SERPINE2: variants seen among roughly 807,000 people sequenced by gnomAD.
SERPINE2 encodes the protein glia-derived nexin.
A neutral mutation model predicts 36.3 loss-of-function variants in SERPINE2; 14 were observed. The ratio of observed to expected loss-of-function variants is 0.39; its 90% confidence interval spans 0.25 to 0.60. The LOEUF (loss-of-function observed/expected upper bound fraction) is 0.60, where lower values mean the gene tolerates loss of function less well. Ranked by LOEUF, SERPINE2 falls within the 20% of genes least tolerant of loss-of-function variation. The probability of loss-of-function intolerance (pLI) is 0.57; values close to 1 mark genes in which losing one functional copy is unlikely to be tolerated. For synonymous variants in SERPINE2, 192 were observed against 191.8 expected (o/e 1.00, Z -0.01); for missense variants, 418 against 499.6 (o/e 0.84, Z 1.56).
At chr2:223,991,049 C>T (rs1359278137) in intron 4 of SERPINE2, among the ~76,000 whole-genome samples, 2 of 152,184 alleles carry the variant, frequency 1.3e-5, no homozygotes, top group African/African-American at 4.8e-5. Flanking sequence ...TGAAGATCCT[C>T]TGAGACCTAT....
At chr2:223,995,016 G>A (rs953576301) in intron 3 of SERPINE2, among the ~76,000 whole-genome samples, 9 of 152,204 alleles carry the variant, frequency 5.9e-5, no homozygotes, top group African/African-American at 2.2e-4. Context: ...TCATGGTATG[G>A]TACAGAAATG....
At chr2:223,989,007 C>T (rs562420005) in intron 4 of SERPINE2, among the ~76,000 whole-genome samples, 63 of 152,250 alleles carry the variant, frequency 4.1e-4, no homozygotes, top group Non-Finnish European at 7.9e-4. Context: ...AAATGACAAA[C>T]TTGATACTTA....
chr2:223,982,671 T>C lies in SERPINE2; in HGVS notation c.985+10A>G, dbSNP rs374496862. On this transcript the variant is annotated intron_variant, in intron 6 of 8. Coordinates refer to ENST00000409304, the MANE Select transcript of SERPINE2 (RefSeq NM_001136528.2). Reference sequence around the variant, plus strand: ...TTCAAGTATACAAATACATTTTAAATTGAACATACTTGTTATTTTTGCAAA... The same window carrying C: ...TTCAAGTATACAAATACATTTTAAACTGAACATACTTGTTATTTTTGCAAA... 9.9e-5 allele frequency: 150 copies of C among 1,518,198 alleles called. No homozygotes were observed. The highest frequency in any genetic ancestry group is 1.3e-4 in the Non-Finnish European group (140 of 1,094,618). 94.0% of individuals were successfully genotyped at this position (1,518,198 alleles called of 1,614,324 possible).
chr2:223,980,124 C>A, intron 7 of SERPINE2, 187 bp downstream of exon 7: 1 of 502,512 alleles, frequency 2.0e-6, no homozygotes, highest in South Asian at 3.2e-5. Context: ...TTTAATGAAA[C>A]AGATTCTGAG....
In SERPINE2 at chr2:223,975,284, T is replaced by C. The variant is rs770582772; in HGVS notation, c.*583A>G. Reference sequence around the variant, plus strand: ...CCTTGTCTAGCAAGACAGGAGTTTTTTAAATTTTATTTTAGTGAATACATG... The same window carrying C: ...CCTTGTCTAGCAAGACAGGAGTTTTCTAAATTTTATTTTAGTGAATACATG... On this transcript the variant is annotated 3_prime_UTR_variant, in exon 9 of 9. Coordinates refer to ENST00000409304, the MANE Select transcript of SERPINE2 (RefSeq NM_001136528.2). 2 of 152,544 alleles carry C rather than the reference T, an allele frequency of 1.3e-5. No homozygotes were observed. Among genetic ancestry groups the C allele is most frequent in the Non-Finnish European group, 2.9e-5 (2 of 68,046 alleles). 9.4% of individuals were successfully genotyped at this position (152,544 alleles called of 1,614,324 possible).
intron 1 of SERPINE2, chr2:224,030,881 G>A: frequency 1.3e-6 from 1 of 775,604 alleles, no homozygotes; most frequent in Non-Finnish European, 1.6e-6. Flanking sequence ...CAATCCAAAG[G>A]TCAGTACTAA....
intron 1 of SERPINE2, among the ~76,000 whole-genome samples, chr2:224,037,061 T>G (rs1156645024): frequency 2.0e-5 from 3 of 152,216 alleles, no homozygotes; most frequent in African/African-American, 7.2e-5. Context: ...CAACATATTA[T>G]GTTTGCTTTT....
At position 224,030,980 on chromosome 2, in the gene SERPINE2, C is replaced by G. The variant is rs1395242673; in HGVS notation, c.-23+8119G>C. The G allele has an allele frequency of 3.0e-6, 3 of 985,316 alleles. No individual in the cohort carries two copies. In the South Asian group the frequency reaches 1.4e-4, roughly 46 times the overall value. 61.0% of individuals were successfully genotyped at this position (985,316 alleles called of 1,614,324 possible). ...AAAACCATGATTCAAACGTACCACA[C>G]AGATACTGGCCTCTTTCTGTATCAT... On this transcript the variant is annotated intron_variant, in intron 1 of 8. Coordinates refer to ENST00000409304, the MANE Select transcript of SERPINE2 (RefSeq NM_001136528.2).
intron 1 of SERPINE2, chr2:224,014,016 T>G (rs1021037731): frequency 6.6e-6 from 1 of 152,256 alleles, no homozygotes; most frequent in Non-Finnish European, 1.5e-5. Context: ...CTTTCCCTTC[T>G]AGGATACACA....
At position 224,006,579 on chromosome 2, in the gene SERPINE2, G is replaced by A. The variant is rs143915194; in HGVS notation, c.-22-4657C>T. Among the ~76,000 whole-genome samples the A allele has an allele frequency of 3.1e-4, 47 of 152,028 alleles. 1 individual carries two copies. The East Asian group carries it at 8.5e-3, about 27-fold the overall frequency. On this transcript the variant is annotated intron_variant, in intron 1 of 8. Coordinates refer to ENST00000409304, the MANE Select transcript of SERPINE2 (RefSeq NM_001136528.2). ...TTTTCCAAGTATGTTTTCTTTCCTC[G>A]CAAGTAGACTGGAAGCTCACGGAAA...
intron 1 of SERPINE2, among the ~76,000 whole-genome samples, chr2:224,020,672 G>A (rs1691968420): frequency 2.0e-5 from 3 of 152,180 alleles, no homozygotes. Context: ...AATCTCACAT[G>A]GATGAAATAG....
chr2:224,008,143 T>C (rs1422574474), intron 1 of SERPINE2, among the ~76,000 whole-genome samples: 1 of 152,188 alleles, frequency 6.6e-6, no homozygotes, highest in Admixed American at 6.5e-5. Context: ...TGTAAGAATA[T>C]TTTGTAGAGG....
intron 1 of SERPINE2, among the ~76,000 whole-genome samples, chr2:224,008,458 A>T (rs1691503579): frequency 6.6e-6 from 1 of 152,236 alleles, no homozygotes; most frequent in South Asian, 2.1e-4. Flanking sequence ...TTGATTGACC[A>T]GAGGGTTCTA....
At chr2:224,006,923 C>A (rs1294018787) in intron 1 of SERPINE2, among the ~76,000 whole-genome samples, 2 of 152,180 alleles carry the variant, frequency 1.3e-5, no homozygotes, top group African/African-American at 4.8e-5. Context: ...TCCCGCTGCT[C>A]CCTGCTGCCT....
rs1692474240 is a variant in SERPINE2 at position 224,034,507 on chromosome 2, C to T, written c.-23+4592G>A. ...GGGAAGGGAGTGAAGAAAGCTTTGA[C>T]TCTGTTGGGTCATTACAAATGGCCA... On this transcript the variant is annotated intron_variant, in intron 1 of 8. Coordinates refer to ENST00000409304, the MANE Select transcript of SERPINE2 (RefSeq NM_001136528.2). 2.6e-5 allele frequency among the ~76,000 whole-genome samples: 4 copies of T among 152,166 alleles called. No homozygotes were observed. The South Asian group carries it at 8.3e-4, about 32-fold the overall frequency.
At chr2:224,033,662 CA>C (rs11394673) in intron 1 of SERPINE2, among the ~76,000 whole-genome samples, 166 of 126,524 alleles carry the variant, frequency 1.3e-3, no homozygotes, top group Middle Eastern at 4.2e-3. Context: ...AGTTCCATGG[CA>C]AAAAAAAAAA....
chr2:223,993,770 C>T (rs999450909), intron 3 of SERPINE2, among the ~76,000 whole-genome samples: 4 of 152,144 alleles, frequency 2.6e-5, no homozygotes, highest in Admixed American at 2.6e-4. Context: ...TTTCCCACAG[C>T]GTGCTGCTAA....
chr2:223,996,377 T>C (rs1192546147), intron 3 of SERPINE2, among the ~76,000 whole-genome samples: 1 of 152,102 alleles, frequency 6.6e-6, no homozygotes, highest in Non-Finnish European at 1.5e-5. Context: ...TGTGCTGACC[T>C]CCCGATGGTT....
intron 4 of SERPINE2, among the ~76,000 whole-genome samples, chr2:223,986,282 G>A (rs1384422058): frequency 6.6e-6 from 1 of 152,090 alleles, no homozygotes; most frequent in Non-Finnish European, 1.5e-5. Context: ...GAGGAACTGG[G>A]GCTCTCCTGG....
Sources: allele counts gnomAD v4.1 joint callset (sites outside exome capture counted in the v4.1 genomes callset), GRCh38; gene constraint gnomAD v4.1.1; transcripts MANE v1.5; gene names NCBI Gene and HGNC (gene_info 2026-07-23, HGNC 2026-07-21).